The following UNC50 variants were observed in gnomAD, a reference collection of about 807,000 sequenced individuals.
The protein encoded by UNC50 is unc-50 inner nuclear membrane RNA binding protein, also known as protein unc-50 homolog.
Under a neutral mutation model 31.5 loss-of-function variants are expected in UNC50, and 24 were observed. The ratio of observed to expected loss-of-function variants is 0.76; its 90% CI spans 0.55 to 1.07. UNC50 has a LOEUF of 1.07. UNC50 is among the 50% of genes least tolerant of loss of function. The pLI, the probability that UNC50 is intolerant of heterozygous loss-of-function variation, is 0.00. For synonymous variants in UNC50, 118 were observed against 114.7 expected, an observed-to-expected ratio of 1.03 and a Z score of -0.18; for missense variants, 245 against 304.2, an observed-to-expected ratio of 0.81 and a Z score of 1.45.
chr2:98,612,648 A>T (rs1373842165), intron 3 of UNC50, among the ~76,000 whole-genome samples: 4 of 152,186 alleles, frequency 2.6e-5, no homozygotes, highest in African/African-American at 7.2e-5. Context: ...ACCTCAGGTG[A>T]TCCTCCCGCC....
At chr2:98,611,045 C>G in intron 3 of UNC50, 150 bp downstream of exon 3, 1 of 909,064 alleles carries the variant, frequency 1.1e-6, no homozygotes, top group Non-Finnish European at 1.6e-6. Flanking sequence ...AATTTTCCCT[C>G]CTGTGTTGCC....
At chr2:98,614,737 C>T (rs777845368) in intron 3 of UNC50, among the ~76,000 whole-genome samples, 1 of 152,150 alleles carries the variant, frequency 6.6e-6, no homozygotes, top group Non-Finnish European at 1.5e-5. Context: ...CATACTGATT[C>T]CATAAAATTT....
intron 5 of UNC50, among the ~76,000 whole-genome samples, chr2:98,617,453 A>G (rs1321968391): frequency 6.6e-6 from 1 of 152,166 alleles, no homozygotes; most frequent in Non-Finnish European, 1.5e-5. Flanking sequence ...GTGTTTTGTG[A>G]TGAGAACACT....
At chr2:98,611,572 G>A (rs975974061) in intron 3 of UNC50, among the ~76,000 whole-genome samples, 1 of 152,186 alleles carries the variant, frequency 6.6e-6, no homozygotes, top group African/African-American at 2.4e-5. Flanking sequence ...CACCTGTAAA[G>A]ATAAGCTATC....
rs749645079 is a variant in UNC50 at position 98,616,507 on chromosome 2, T to C, written c.617T>C (p.Ile206Thr). The change falls in exon 5 of 6, where the codon ATC becomes ACC. Residue 206 changes from isoleucine to threonine, a missense_variant. Coordinates refer to ENST00000357765, the MANE Select transcript of UNC50 (RefSeq NM_014044.7). ...TGGTTGGTTGCAGTTGGCTATTATA[T>C]CTATGTAACTTTCCTGGGATACAGT... ...TLWLVAVGYYIYVTFLGYSAL... is the reference protein window; with the variant it reads ...TLWLVAVGYYTYVTFLGYSAL... 27 of 1,613,742 alleles carry C rather than the reference T, an allele frequency of 1.7e-5. No individual in the cohort carries two copies. In the East Asian group the frequency reaches 5.3e-4, roughly 32 times the overall value.
At chr2:98,616,689 GGTTT>G (rs755580157) in intron 5 of UNC50, among the ~76,000 whole-genome samples, 156 bp downstream of exon 5, 23 of 152,134 alleles carry the variant, frequency 1.5e-4, no homozygotes, top group African/African-American at 2.7e-4. Flanking sequence ...CAATTACACA[GGTTT>G]GTTTCTGTTT....
intron 3 of UNC50, among the ~76,000 whole-genome samples, chr2:98,614,752 G>A (rs565771870): frequency 7.9e-5 from 12 of 152,154 alleles, no homozygotes; most frequent in Non-Finnish European, 1.6e-4. Context: ...AAATTTGAAT[G>A]GCACACATTC....
chr2:98,617,607 C>T (rs1241550206), intron 5 of UNC50, among the ~76,000 whole-genome samples: 3 of 152,214 alleles, frequency 2.0e-5, no homozygotes, highest in East Asian at 1.9e-4. Context: ...GGTAGGGTCC[C>T]GCTAACTAAG....
At chr2:98,609,648 G>A in intron 1 of UNC50, 108 bp from the exon 2 acceptor site, 1 of 1,542,806 alleles carries the variant, frequency 6.5e-7, no homozygotes, top group Non-Finnish European at 8.8e-7. Context: ...TCTAGGGTTG[G>A]GAAGAACATG....
rs756935525 is a variant in UNC50 at position 98,610,764 on chromosome 2, C to G, written c.281-11C>G. On this transcript the variant is annotated splice_polypyrimidine_tract_variant and intron_variant, in intron 2 of 5. Transcript: ENST00000357765. Reference sequence around the variant, plus strand: ...GAGTCCCTAAATGAATCTTGTGAATCTTTCTTTCAGTGTCCACTATAGGAT... The same window carrying G: ...GAGTCCCTAAATGAATCTTGTGAATGTTTCTTTCAGTGTCCACTATAGGAT... The G allele has an allele frequency of 1.2e-6, 2 of 1,612,692 alleles. No individual in the cohort carries two copies. Among genetic ancestry groups the G allele is most frequent in the African/African-American group, 1.3e-5 (1 of 74,828 alleles).
intron 1 of UNC50, 48 bp from the exon 2 acceptor site, chr2:98,609,708 A>G: frequency 1.9e-6 from 3 of 1,609,916 alleles, no homozygotes; most frequent in African/African-American, 1.3e-5. Flanking sequence ...TCGGTAGCCA[A>G]ATGTTTCTTC....
intron 3 of UNC50, 31 bp downstream of exon 3, chr2:98,610,926 C>T (rs952916517): frequency 6.2e-7 from 1 of 1,605,898 alleles, no homozygotes; most frequent in Admixed American, 1.7e-5. Context: ...TTTTCAGATA[C>T]TGCTGTAGCA....
intron 3 of UNC50, among the ~76,000 whole-genome samples, chr2:98,611,695 C>T (rs903456567): frequency 6.6e-6 from 1 of 152,074 alleles, no homozygotes; most frequent in East Asian, 1.9e-4. Context: ...TAACAAAATG[C>T]CTGGTTTTGC....
At chr2:98,616,662 T>A in intron 5 of UNC50, 129 bp downstream of exon 5, 1 of 684,416 alleles carries the variant, frequency 1.5e-6, no homozygotes, top group Non-Finnish European at 2.4e-6. Context: ...GTGCATTATC[T>A]CATTTAATCT....
intron 5 of UNC50, among the ~76,000 whole-genome samples, chr2:98,616,983 A>G (rs1434114033): frequency 1.3e-5 from 2 of 152,204 alleles, no homozygotes; most frequent in East Asian, 1.9e-4. Flanking sequence ...AGCCTTTTGA[A>G]TCATAACTTT....
In UNC50 at chr2:98,618,357, C is replaced by CATT; in HGVS notation, c.*54_*56dup. ...TGTGTCAACAGTATTGTGAAGTGAT[C>CATT]ATTTCTTGTAAAACTTGTAAATAAA... On this transcript the variant is annotated 3_prime_UTR_variant, in exon 6 of 6. Coordinates refer to ENST00000357765, the MANE Select transcript of UNC50 (RefSeq NM_014044.7). 6.7e-7 allele frequency: 1 copy of CATT among 1,499,372 alleles called. No homozygotes were observed. Among genetic ancestry groups the CATT allele is most frequent in the Non-Finnish European group, 8.9e-7 (1 of 1,123,668 alleles). 92.9% of individuals were successfully genotyped at this position (1,499,372 alleles called of 1,614,324 possible).
Position 98,618,440 on chromosome 2 carries a change from ATT to A in UNC50, c.*137_*138del, listed in dbSNP as rs2104194511. On this transcript the variant is annotated 3_prime_UTR_variant, in exon 6 of 6. Coordinates refer to ENST00000357765, the MANE Select transcript of UNC50 (RefSeq NM_014044.7). ...AGTTTGCAAATTTGAAGAAATATAT[ATT>A]AACACTGTGGTCAGGTACATTCCTT... 1.2e-6 allele frequency: 1 copy of A among 801,128 alleles called. No homozygotes were observed. The highest frequency in any genetic ancestry group is 1.8e-6 in the Non-Finnish European group (1 of 565,116). The allele number at this position is 801,128 out of a possible 1,614,324, so 49.6% of individuals were successfully genotyped here.
chr2:98,610,754 T>C, intron 2 of UNC50, 21 bp from the exon 3 acceptor site: 2 of 1,612,562 alleles, frequency 1.2e-6, no homozygotes, highest in Non-Finnish European at 1.7e-6. Context: ...CCTAAATGAA[T>C]CTTGTGAATC....
intron 5 of UNC50, 99 bp downstream of exon 5, chr2:98,616,632 C>G (rs757434735): frequency 2.1e-5 from 18 of 854,820 alleles, no homozygotes; most frequent in Admixed American, 1.5e-4. Context: ...CACTTACAGG[C>G]ACTATCCTAA....
Sources: allele counts gnomAD v4.1 joint callset (sites outside exome capture counted in the v4.1 genomes callset), GRCh38; gene constraint gnomAD v4.1.1; transcripts MANE v1.5; gene names NCBI Gene and HGNC (gene_info 2026-07-23, HGNC 2026-07-21).